The following SLC2A14 variants were observed in gnomAD, a reference collection of about 807,000 sequenced individuals.
SLC2A14 encodes the protein solute carrier family 2 member 14.
A neutral mutation model predicts 43.0 loss-of-function variants in SLC2A14; 13 were observed. That is an observed-to-expected ratio of 0.30 (90% CI 0.20 to 0.48). The LOEUF (loss-of-function observed/expected upper bound fraction) is 0.48, where lower values mean the gene tolerates loss of function less well. SLC2A14 is among the 20% of genes least tolerant of loss of function. The probability of loss-of-function intolerance (pLI) is 0.99; values close to 1 mark genes in which losing one functional copy is unlikely to be tolerated. For missense variants in SLC2A14, 428 were observed against 620.4 expected (o/e 0.69, Z 3.29); for synonymous variants, 190 against 233.8 (o/e 0.81, Z 1.71).
intron 1 of SLC2A14, among the ~76,000 whole-genome samples, chr12:7,890,300 A>G (rs913642793): frequency 2.0e-5 from 3 of 152,018 alleles, no homozygotes; most frequent in Non-Finnish European, 4.4e-5. Flanking sequence ...AGTCCTGCTA[A>G]ACAACAGTAT....
intron 2 of SLC2A14, among the ~76,000 whole-genome samples, chr12:7,849,434 G>A (rs1439541498): frequency 6.6e-6 from 1 of 151,952 alleles, no homozygotes. Context: ...AGCTCTGGAG[G>A]TTGAGGTTGC....
intron 2 of SLC2A14, among the ~76,000 whole-genome samples, chr12:7,849,238 C>A (rs1434605427): frequency 6.6e-6 from 1 of 152,130 alleles, no homozygotes; most frequent in Admixed American, 6.5e-5. Flanking sequence ...CGTGGTGGCT[C>A]ATGCCTGTAA....
chr12:7,844,940 A>T (rs1866334971), intron 2 of SLC2A14, among the ~76,000 whole-genome samples: 2 of 152,174 alleles, frequency 1.3e-5, no homozygotes, highest in Admixed American at 1.3e-4. Flanking sequence ...TGATCCTCAA[A>T]ACTTTTGTGG....
Position 7,883,596 on chromosome 12 carries a change from T to C in SLC2A14, c.132+7400A>G, listed in dbSNP as rs1256753702. ...TTCTTTTTCTTTTTCTTTTCTTTTT[T>C]TTTTTTTTTTTTTTTTTGAGACGGG... On this transcript the variant is annotated intron_variant, in intron 1 of 9. Coordinates refer to the SLC2A14 transcript ENST00000539924. Among the ~76,000 whole-genome samples, 590 of 106,914 alleles carry C rather than the reference T, an allele frequency of 5.5e-3. 2 individuals carry two copies. Among genetic ancestry groups the C allele is most frequent in the Non-Finnish European group, 8.4e-3 (417 of 49,410 alleles). 70.1% of individuals were successfully genotyped at this position (106,914 alleles called of 152,430 possible). A position where few individuals can be genotyped will look rare whatever the true frequency, so the allele number is the denominator to read the frequency against.
At chr12:7,822,686 A>C (rs1446441038) in intron 7 of SLC2A14, among the ~76,000 whole-genome samples, 1 of 145,336 alleles carries the variant, frequency 6.9e-6, no homozygotes, top group Non-Finnish European at 1.5e-5. Context: ...AAAAAAAAAG[A>C]AAGTGTAATT....
At chr12:7,851,787 C>T (rs187525830) in intron 2 of SLC2A14, among the ~76,000 whole-genome samples, 23 of 152,236 alleles carry the variant, frequency 1.5e-4, no homozygotes, top group Admixed American at 3.3e-4. Context: ...CTCAGGTAGC[C>T]TGAGAATGAA....
chr12:7,876,447 C>G (rs1275206526), upstream of SLC2A14, among the ~76,000 whole-genome samples: 3 of 152,012 alleles, frequency 2.0e-5, no homozygotes, highest in African/African-American at 7.2e-5. Context: ...CCACCCAAAT[C>G]AAGTGTTGGT....
chr12:7,847,078 C>A (rs1248456179), intron 2 of SLC2A14, among the ~76,000 whole-genome samples: 2 of 151,640 alleles, frequency 1.3e-5, no homozygotes, highest in African/African-American at 2.4e-5. Flanking sequence ...CATAGAGAAA[C>A]CCTGTCTCTA....
intron 2 of SLC2A14, among the ~76,000 whole-genome samples, chr12:7,841,201 C>T (rs1407918784): frequency 6.6e-6 from 1 of 152,034 alleles, no homozygotes; most frequent in Admixed American, 6.6e-5. Flanking sequence ...CCATGTACTC[C>T]CTTAACACCC....
chr12:7,817,941 T>C lies in SLC2A14; in HGVS notation c.1165A>G (p.Ile389Val). The C allele has an allele frequency of 1.2e-6, 2 of 1,614,082 alleles. No homozygotes were observed. Among genetic ancestry groups the C allele is most frequent in the East Asian group, 2.2e-5 (1 of 44,854 alleles). ...CCCTGGCTGAAGAGTTCGGCCACAA[T>C]AAACCAGGGAATGGGGCCTGGTCCA... ...EIGPGPIPWF[I>V]VAELFSQGPR... The change falls in exon 10 of 11, where the codon ATT becomes GTT. Residue 389 changes from isoleucine (I) to valine (V), a missense_variant. Coordinates refer to ENST00000431042, the MANE Select transcript of SLC2A14 (RefSeq NM_001286234.2).
At chr12:7,861,793 C>T (rs1944573934) in intron 2 of SLC2A14, among the ~76,000 whole-genome samples, 1 of 151,846 alleles carries the variant, frequency 6.6e-6, no homozygotes, top group Non-Finnish European at 1.5e-5. Flanking sequence ...GAATCCCCAT[C>T]TATACTAAAA....
intron 2 of SLC2A14, among the ~76,000 whole-genome samples, chr12:7,838,826 T>C (rs887154602): frequency 2.0e-5 from 3 of 152,230 alleles, no homozygotes; most frequent in Admixed American, 6.5e-5. Flanking sequence ...AGAATGGAAC[T>C]GTATTTGGAG....
chr12:7,862,472 C>A (rs748162592), intron 2 of SLC2A14, among the ~76,000 whole-genome samples: 18 of 152,108 alleles, frequency 1.2e-4, no homozygotes, highest in Non-Finnish European at 1.5e-4. Flanking sequence ...CTTCCCACCC[C>A]CTCTGTGGCC....
At chr12:7,864,899 C>G (rs11056205) in intron 2 of SLC2A14, among the ~76,000 whole-genome samples, 19,793 of 152,014 alleles carry the variant, frequency 0.13, 1,395 homozygotes, top group East Asian at 0.26. Flanking sequence ...TCCTCATGGC[C>G]GGCTCTTTAT....
At chr12:7,876,920 G>C (rs1221998409), upstream of SLC2A14, among the ~76,000 whole-genome samples, 1 of 151,506 alleles carries the variant, frequency 6.6e-6, no homozygotes, top group South Asian at 2.1e-4. Flanking sequence ...TTTTTTTTCT[G>C]TCTGGCTTAT....
chr12:7,838,440 A>T (rs377514412), intron 2 of SLC2A14, among the ~76,000 whole-genome samples: 70 of 152,258 alleles, frequency 4.6e-4, no homozygotes, highest in East Asian at 9.6e-4. Flanking sequence ...AACTTGGAAG[A>T]CCAGGTACCC....
chr12:7,865,333 C>A (rs1012557088), intron 2 of SLC2A14, among the ~76,000 whole-genome samples: 1 of 151,950 alleles, frequency 6.6e-6, no homozygotes, highest in Non-Finnish European at 1.5e-5. Flanking sequence ...GTCAGGAGAT[C>A]GAGACCATCC....
At chr12:7,872,229 G>C (rs1456511376) in intron 1 of SLC2A14, 1 of 152,112 alleles carries the variant, frequency 6.6e-6, no homozygotes, top group African/African-American at 2.4e-5. Context: ...TTTTCATCTT[G>C]CACAAATCTA....
chr12:7,814,186 T>A lies in SLC2A14; in HGVS notation c.*130A>T. On this transcript the variant is annotated 3_prime_UTR_variant, in exon 11 of 11. Transcript: ENST00000431042. Reference sequence around the variant, plus strand: ...CTGCAGCCTTGGGGTGCTCATGGAGTGCGTGGGATGAGAAAGAAATCAAGT... The same window carrying A: ...CTGCAGCCTTGGGGTGCTCATGGAGAGCGTGGGATGAGAAAGAAATCAAGT... The A allele has an allele frequency of 3.3e-6, 5 of 1,493,846 alleles. No individual in the cohort carries two copies. The highest frequency in any genetic ancestry group is 3.6e-6 in the Non-Finnish European group (4 of 1,110,330). 92.5% of individuals were successfully genotyped at this position (1,493,846 alleles called of 1,614,324 possible).
Sources: allele counts gnomAD v4.1 joint callset (sites outside exome capture counted in the v4.1 genomes callset), GRCh38; gene constraint gnomAD v4.1.1; transcripts MANE v1.5; gene names NCBI Gene and HGNC (gene_info 2026-07-23, HGNC 2026-07-21).